The following AREL1 variants were observed in gnomAD, a reference collection of about 807,000 sequenced individuals.
The protein encoded by AREL1 is apoptosis-resistant E3 ubiquitin protein ligase 1.
A neutral mutation model predicts 99.0 loss-of-function variants in AREL1; 62 were observed. The observed-to-expected ratio is 0.63, with a 90% CI of 0.51 to 0.77. AREL1 has a LOEUF of 0.77. AREL1 is among the 30% of genes least tolerant of loss of function. The pLI is 0.00. For missense variants in AREL1, 879 were observed against 1,027.6 expected, an observed-to-expected ratio of 0.86 and a Z score of 1.98; for synonymous variants, 380 against 376.5, an observed-to-expected ratio of 1.01 and a Z score of -0.11.
At chr14:74,694,335 A>G (rs1027251566) in intron 1 of AREL1, among the ~76,000 whole-genome samples, 1 of 152,234 alleles carries the variant, frequency 6.6e-6, no homozygotes, top group Non-Finnish European at 1.5e-5. Context: ...ATACTATATA[A>G]GGAATTTTTA....
chr14:74,711,254 T>C (rs1005586253), intron 1 of AREL1, among the ~76,000 whole-genome samples: 19 of 97,024 alleles, frequency 2.0e-4, no homozygotes, highest in Admixed American at 5.5e-4. Context: ...AAAAAAAAAA[T>C]TGGGGCTTGG....
intron 17 of AREL1, 74 bp downstream of exon 17, chr14:74,667,245 G>A (rs2089228342): frequency 1.3e-6 from 2 of 1,568,022 alleles, no homozygotes; most frequent in African/African-American, 1.4e-5. Context: ...CATAAGAGAA[G>A]GTACACCAAG....
chr14:74,672,822 T>C lies in AREL1; in HGVS notation c.1422+9A>G, dbSNP rs73301905. 6.7e-4 allele frequency: 1,084 copies of C among 1,614,062 alleles called. 11 individuals carry two copies. In the African/African-American group the frequency reaches 0.013, roughly 20 times the overall value. On this transcript the variant is annotated intron_variant, in intron 11 of 19. Transcript: ENST00000356357. ...TGGTATCTGCTGACAGAGATGAAAT[T>C]TTACCTACCGATTCCAACAAGGCAT...
At chr14:74,678,786 T>C (rs1489910582) in intron 5 of AREL1, among the ~76,000 whole-genome samples, 4 of 151,510 alleles carry the variant, frequency 2.6e-5, no homozygotes, top group Admixed American at 2.6e-4. Flanking sequence ...ATTTTCAAAC[T>C]GTAAAAACTT....
chr14:74,703,147 C>A (rs2090115577), intron 1 of AREL1, among the ~76,000 whole-genome samples: 1 of 152,142 alleles, frequency 6.6e-6, no homozygotes, highest in African/African-American at 2.4e-5. Flanking sequence ...TTTCACACTG[C>A]TGATAAAGAC....
chr14:74,682,594 T>C (rs920074372), intron 5 of AREL1, among the ~76,000 whole-genome samples: 6 of 152,202 alleles, frequency 3.9e-5, no homozygotes, highest in African/African-American at 1.4e-4. Flanking sequence ...CTGGTTTAGA[T>C]ATTTGTACCC....
intron 2 of AREL1, among the ~76,000 whole-genome samples, chr14:74,689,674 C>T (rs1391862200): frequency 6.7e-6 from 1 of 148,864 alleles, no homozygotes; most frequent in Non-Finnish European, 1.5e-5. Flanking sequence ...CTCAGCTCAC[C>T]GCAACCTCTA....
chr14:74,678,618 A>C (rs1207028955), intron 5 of AREL1, among the ~76,000 whole-genome samples: 1 of 151,948 alleles, frequency 6.6e-6, no homozygotes, highest in Non-Finnish European at 1.5e-5. Context: ...CTTTTTGATA[A>C]AGGTACAAAA....
intron 5 of AREL1, among the ~76,000 whole-genome samples, chr14:74,679,079 T>C (rs1438765390): frequency 2.6e-5 from 4 of 152,172 alleles, no homozygotes; most frequent in Admixed American, 2.0e-4. Flanking sequence ...TATAAATTTT[T>C]TGTAGAGATG....
intron 1 of AREL1, among the ~76,000 whole-genome samples, chr14:74,695,749 C>G (rs565149407): frequency 6.6e-6 from 1 of 152,338 alleles, no homozygotes; most frequent in Non-Finnish European, 1.5e-5. Context: ...CCAAGGAACA[C>G]TGACCAGGTC....
intron 2 of AREL1, among the ~76,000 whole-genome samples, chr14:74,687,869 G>A (rs2089781181): frequency 6.6e-6 from 1 of 152,064 alleles, no homozygotes; most frequent in South Asian, 2.1e-4. Context: ...AAATGCATCT[G>A]AATTTCAAAA....
At position 74,700,690 on chromosome 14, in the gene AREL1, G is replaced by GAAT. The variant is rs1284855935; in HGVS notation, c.-333-8365_-333-8363dup. On this transcript the variant is annotated intron_variant, in intron 1 of 19. Transcript: ENST00000356357. ...AGCTACTGGGGAAGCTGAGGCAGGA[G>GAAT]AATTGCTTGAACCCAGGAGGCAGAG... Among the ~76,000 whole-genome samples the GAAT allele has an allele frequency of 2.6e-5, 4 of 152,164 alleles. No individual in the cohort carries two copies. In the East Asian group the frequency reaches 7.7e-4, roughly 29 times the overall value.
rs2140012187 is a variant in AREL1 at position 74,713,067 on chromosome 14, C to T, written c.-468G>A. 6.4e-7 allele frequency: 1 copy of T among 1,568,382 alleles called. No individual in the cohort carries two copies. The highest frequency in any genetic ancestry group is 8.8e-7 in the Non-Finnish European group (1 of 1,139,216). ...GTTGGTCTCCACCCGGCCTGGGAAC[C>T]GGCTCGGGGGATTGCCCTTTCCCCA... On this transcript the variant is annotated 5_prime_UTR_variant, in exon 1 of 20. Transcript: ENST00000356357.
chr14:74,684,676 T>G lies in AREL1; in HGVS notation c.21A>C (p.Gly7=). The change falls in exon 4 of 20, where the codon GGA becomes GGC. Residue 7 remains glycine, a synonymous_variant. Coordinates refer to ENST00000356357, the MANE Select transcript of AREL1 (RefSeq NM_001039479.2). ...AGAATGCAACCACAGACACTGTGAT[T>G]CCACCTATGCAAAAGAGAGAACACA... is the stretch of plus-strand genomic sequence containing the variant. MFYVIG[G]ITVSVVAFFF... The G allele has an allele frequency of 6.2e-7, 1 of 1,613,992 alleles. No homozygotes were observed. The highest frequency in any genetic ancestry group is 8.5e-7 in the Non-Finnish European group (1 of 1,179,940).
Position 74,692,085 on chromosome 14 carries a change from T to A in AREL1, c.-90A>T. 2 of 426,610 alleles carry A rather than the reference T, an allele frequency of 4.7e-6. No individual in the cohort carries two copies. Among genetic ancestry groups the A allele is most frequent in the East Asian group, 7.2e-5 (1 of 13,900 alleles). The allele number at this position is 426,610 out of a possible 1,614,324, so 26.4% of individuals were successfully genotyped here. On this transcript the variant is annotated 5_prime_UTR_variant, in exon 2 of 20. Transcript: ENST00000356357. ...TTCTGAGAACCAAGTAGAGCACTCC[T>A]ATTCACCAAAGCAGGTAACTTTTGG...
chr14:74,689,874 G>A (rs1483540356), intron 2 of AREL1, among the ~76,000 whole-genome samples: 4 of 151,840 alleles, frequency 2.6e-5, no homozygotes, highest in Non-Finnish European at 1.5e-5. Context: ...GGGATTACAG[G>A]TGTGAGCCAC....
At chr14:74,699,601 T>C (rs2090045919) in intron 1 of AREL1, among the ~76,000 whole-genome samples, 1 of 152,240 alleles carries the variant, frequency 6.6e-6, no homozygotes, top group South Asian at 2.1e-4. Flanking sequence ...TATTTTAATA[T>C]GTATATTATG....
In AREL1 at chr14:74,692,334, CA is replaced by C. The variant is rs1052136747; in HGVS notation, c.-333-7del. On this transcript the variant is annotated splice_polypyrimidine_tract_variant and splice_region_variant and intron_variant, in intron 1 of 19. Transcript: ENST00000356357. ...CCAAAGGACGCCCCAGGATCCTGTC[CA>C]AAAAAGAAAACAGGGTTAGTTGGAA... 2 of 411,672 alleles carry C rather than the reference CA, an allele frequency of 4.9e-6. No homozygotes were observed. The highest frequency in any genetic ancestry group is 3.4e-5 in the Admixed American group (1 of 29,204). 25.5% of individuals were successfully genotyped at this position (411,672 alleles called of 1,614,324 possible).
At chr14:74,678,767 T>A (rs1486651974) in intron 5 of AREL1, among the ~76,000 whole-genome samples, 1 of 148,950 alleles carries the variant, frequency 6.7e-6, no homozygotes, top group African/African-American at 2.5e-5. Flanking sequence ...ATCATGACCC[T>A]AAATACACAT....
Sources: gnomAD v4.1 joint callset for allele counts (sites outside exome capture counted in the v4.1 genomes callset) on GRCh38, gnomAD v4.1.1 for gene constraint, MANE v1.5 for transcripts, NCBI Gene and HGNC (gene_info 2026-07-23, HGNC 2026-07-21) for gene names.